Variants in FGF5 observed in about 807,000 individuals in gnomAD.
FGF5 encodes fibroblast growth factor 5.
FGF5 carries 23 observed loss-of-function variants against 21.8 expected under a neutral mutation model. That is an observed-to-expected ratio of 1.05 (90% CI 0.76 to 1.49). The LOEUF is 1.49. FGF5 is among the 40% of genes most tolerant of loss of function. FGF5 has a pLI of 0.00. For missense variants in FGF5, 352 were observed against 332.9 expected (o/e 1.06, Z -0.45); for synonymous variants, 158 against 124.0 (o/e 1.27, Z -1.82).
intron 2 of FGF5, among the ~76,000 whole-genome samples, chr4:80,281,447 A>G (rs1362506636): frequency 6.6e-6 from 1 of 152,182 alleles, no homozygotes; most frequent in Non-Finnish European, 1.5e-5. Flanking sequence ...TTGATTATTT[A>G]TATTTGGCTT....
chr4:80,282,818 A>T (rs1386748213), intron 2 of FGF5, among the ~76,000 whole-genome samples: 1 of 152,136 alleles, frequency 6.6e-6, no homozygotes, highest in Non-Finnish European at 1.5e-5. Context: ...GAGTTCTATC[A>T]TTTTAAAAGT....
chr4:80,271,195 T>G (rs1720260999), intron 1 of FGF5, among the ~76,000 whole-genome samples: 1 of 152,224 alleles, frequency 6.6e-6, no homozygotes, highest in African/African-American at 2.4e-5. Context: ...ATGTGTATAG[T>G]TGTATCAACC....
rs35098145 is a variant in FGF5, at chr4:80,274,790, C to A, written c.356-119C>A. The A allele has an allele frequency of 6.7e-4, 396 of 591,552 alleles. 6 individuals carry two copies. In the Admixed American group the frequency reaches 0.01, roughly 16 times the overall value. The allele number at this position is 591,552 out of a possible 1,614,324, so 36.6% of individuals were successfully genotyped here. A position where few individuals can be genotyped will look rare whatever the true frequency, so the allele number is the denominator to read the frequency against. ...TCATGAACAATAAGGATGTTAAATA[C>A]TAAGTTCTTTTTTAAAATCACAATA... On this transcript the variant is annotated intron_variant, in intron 1 of 2. Transcript: ENST00000312465.
At chr4:80,268,737 C>G (rs1159342859) in intron 1 of FGF5, among the ~76,000 whole-genome samples, 2 of 152,210 alleles carry the variant, frequency 1.3e-5, no homozygotes, top group Non-Finnish European at 2.9e-5. Context: ...GTGAGGGCGC[C>G]TGGAGCGCCC....
At chr4:80,284,750 G>A (rs1274149140) in intron 2 of FGF5, among the ~76,000 whole-genome samples, 1 of 152,158 alleles carries the variant, frequency 6.6e-6, no homozygotes, top group Non-Finnish European at 1.5e-5. Flanking sequence ...GATCTATGTA[G>A]ATTGCCTTGC....
At chr4:80,279,122 G>A (rs1720489563) in intron 2 of FGF5, among the ~76,000 whole-genome samples, 1 of 152,142 alleles carries the variant, frequency 6.6e-6, no homozygotes, top group African/African-American at 2.4e-5. Context: ...GTCCAGACTA[G>A]GAGTGAAAGG....
intron 2 of FGF5, among the ~76,000 whole-genome samples, chr4:80,282,291 T>C (rs556587432): frequency 1.3e-3 from 195 of 152,322 alleles, no homozygotes; most frequent in Admixed American, 5.8e-3. Context: ...AATAGTAGTG[T>C]GTTTCCTCTC....
chr4:80,267,503 A>G (rs988550483), intron 1 of FGF5, among the ~76,000 whole-genome samples: 2 of 152,038 alleles, frequency 1.3e-5, no homozygotes, highest in African/African-American at 4.8e-5. Context: ...CAAAAAACTC[A>G]TTTCTTCTCA....
Position 80,287,194 on chromosome 4 carries a change from A to C in FGF5, c.*522A>C, listed in dbSNP as rs539931189. The C allele has an allele frequency of 2.6e-5, 4 of 152,446 alleles. No individual in the cohort carries two copies. Among genetic ancestry groups the C allele is most frequent in the Non-Finnish European group, 1.5e-5 (1 of 68,146 alleles). The allele number at this position is 152,446 out of a possible 1,614,324, so 9.4% of individuals were successfully genotyped here. On this transcript the variant is annotated 3_prime_UTR_variant, in exon 3 of 3. Transcript: ENST00000312465. ...CATTTTATGCTGTTTATGAATTATA[A>C]ATGTGTTTATAGCTCATTTGTAATA...
intron 1 of FGF5, chr4:80,268,513 G>T: frequency 2.0e-6 from 2 of 986,140 alleles, no homozygotes; most frequent in African/African-American, 1.7e-5. Context: ...ACCACCGGCG[G>T]TCTGAAGATT....
At chr4:80,281,370 T>C (rs1291626671) in intron 2 of FGF5, among the ~76,000 whole-genome samples, 1 of 152,224 alleles carries the variant, frequency 6.6e-6, no homozygotes, top group Non-Finnish European at 1.5e-5. Flanking sequence ...ATTTGGTCTA[T>C]AGTTGTTTTT....
At chr4:80,285,641 G>A (rs1003404987) in intron 2 of FGF5, among the ~76,000 whole-genome samples, 1 of 152,096 alleles carries the variant, frequency 6.6e-6, no homozygotes, top group Admixed American at 6.5e-5. Context: ...GCATTTCAAG[G>A]GCAGATATTT....
intron 1 of FGF5, among the ~76,000 whole-genome samples, chr4:80,271,710 C>T (rs1265935493): frequency 6.6e-6 from 1 of 152,138 alleles, no homozygotes; most frequent in Non-Finnish European, 1.5e-5. Flanking sequence ...GCTTGGCCTT[C>T]CACAGTTTGG....
chr4:80,268,513 G>C, intron 1 of FGF5: 1 of 986,140 alleles, frequency 1.0e-6, no homozygotes, highest in Middle Eastern at 5.2e-4. Context: ...ACCACCGGCG[G>C]TCTGAAGATT....
intron 2 of FGF5, among the ~76,000 whole-genome samples, chr4:80,280,622 T>C (rs1182539923): frequency 6.6e-6 from 1 of 152,130 alleles, no homozygotes; most frequent in Non-Finnish European, 1.5e-5. Flanking sequence ...TTTCTTTACT[T>C]CTCTGGCTGA....
In FGF5 at chr4:80,286,487, C is replaced by T. The variant is rs763306755; in HGVS notation, c.622C>T (p.Pro208Ser). 1.8e-5 allele frequency: 29 copies of T among 1,613,908 alleles called. No homozygotes were observed. The Middle Eastern group carries it at 4.9e-4, about 27-fold the overall frequency. Reference sequence around the variant, plus strand: ...ACGAGGGTGCAGCCCCCGGGTTAAACCCCAGCATATCTCTACCCATTTTCT... The same window carrying T: ...ACGAGGGTGCAGCCCCCGGGTTAAATCCCAGCATATCTCTACCCATTTTCT... ...AKRGCSPRVK[P>S]QHISTHFLPR... Residue 208 changes from proline (P) to serine (S), a missense_variant, in exon 3 of 3, where the codon CCC becomes TCC. Pro to Ser is a moderately conservative substitution (Grantham distance 74). Coordinates refer to ENST00000312465, the MANE Select transcript of FGF5 (RefSeq NM_004464.4).
Position 80,266,815 on chromosome 4 carries a change from G to A in FGF5, c.-10G>A, listed in dbSNP as rs1720100472. 1 of 1,565,972 alleles carries A rather than the reference G, an allele frequency of 6.4e-7. No homozygotes were observed. Among genetic ancestry groups the A allele is most frequent in the Non-Finnish European group, 8.6e-7 (1 of 1,158,154 alleles). On this transcript the variant is annotated 5_prime_UTR_variant, in exon 1 of 3. Transcript: ENST00000312465. ...TACAAGATGCACTTAGGACCCCCGC[G>A]GCTGGAAGAATGAGCTTGTCCTTCC...
intron 2 of FGF5, among the ~76,000 whole-genome samples, chr4:80,282,866 A>T (rs1720595681): frequency 6.6e-6 from 1 of 152,176 alleles, no homozygotes; most frequent in East Asian, 1.9e-4. Context: ...TAAAAAAAAG[A>T]TTTAAAAAAT....
intron 2 of FGF5, among the ~76,000 whole-genome samples, chr4:80,281,024 C>T (rs543144133): frequency 4.6e-5 from 7 of 152,056 alleles, no homozygotes; most frequent in African/African-American, 1.7e-4. Flanking sequence ...ATATTAAAGC[C>T]AACTTGTGTA....
Sources: gnomAD v4.1 joint callset for allele counts (sites outside exome capture counted in the v4.1 genomes callset) on GRCh38, gnomAD v4.1.1 for gene constraint, MANE v1.5 for transcripts, NCBI Gene and HGNC (gene_info 2026-07-23, HGNC 2026-07-21) for gene names.